ST6GAL1: variants seen among roughly 807,000 people sequenced by gnomAD.
The protein encoded by ST6GAL1 is beta-galactoside alpha-2,6-sialyltransferase 1.
Under a neutral mutation model 38.0 loss-of-function variants are expected in ST6GAL1, and 20 were observed. The ratio of observed to expected loss-of-function variants is 0.53; its 90% CI spans 0.37 to 0.77. The LOEUF is 0.77. ST6GAL1 is among the 30% of genes least tolerant of loss of function. The pLI, the probability that ST6GAL1 is intolerant of heterozygous loss-of-function variation, is 0.00. For synonymous variants in ST6GAL1, 196 were observed against 188.2 expected, an observed-to-expected ratio of 1.04 and a Z score of -0.34; for missense variants, 432 against 496.4, an observed-to-expected ratio of 0.87 and a Z score of 1.23.
chr3:187,042,591 C>T (rs900351314), intron 3 of ST6GAL1, 63 bp from the exon 4 acceptor site: 36 of 1,439,988 alleles, frequency 2.5e-5, no homozygotes, highest in Admixed American at 4.5e-5. Context: ...TCCATCGCTC[C>T]GCCTCATGCC....
chr3:187,076,978 T>G lies in ST6GAL1; in HGVS notation c.*1175T>G, dbSNP rs1175761868. ...AAATCTTCTCCTAACCACCATCTGT[T>G]TTTTTTTTTTAAAGCATTTTTTGCT... On this transcript the variant is annotated 3_prime_UTR_variant, in exon 8 of 8. Transcript: ENST00000169298. 9 of 397,018 alleles carry G rather than the reference T, an allele frequency of 2.3e-5. No homozygotes were observed. The highest frequency in any genetic ancestry group is 2.7e-5 in the Non-Finnish European group (6 of 225,326). 24.6% of individuals were successfully genotyped at this position (397,018 alleles called of 1,614,324 possible).
Position 187,025,025 on chromosome 3 carries a change from G to C in ST6GAL1, c.-182-13717G>C, listed in dbSNP as rs1344053081. 4.8e-5 allele frequency among the ~76,000 whole-genome samples: 7 copies of C among 145,308 alleles called. No homozygotes were observed. The South Asian group carries it at 8.8e-4, about 18-fold the overall frequency. ...TGTGTGTGTGTGTGTGTGTGTCTGT[G>C]TGTGTGTGTCTCACAGTGTAGAGAA... is the stretch of plus-strand genomic sequence containing the variant. On this transcript the variant is annotated intron_variant, in intron 2 of 7. Coordinates refer to ENST00000169298, the MANE Select transcript of ST6GAL1 (RefSeq NM_173216.2).
chr3:187,065,810 A>T (rs1719086144), intron 5 of ST6GAL1, among the ~76,000 whole-genome samples: 2 of 152,212 alleles, frequency 1.3e-5, no homozygotes, highest in African/African-American at 4.8e-5. Context: ...TGTTAAATAT[A>T]TTATATATAC....
At chr3:187,005,871 G>C (rs73189714) in intron 2 of ST6GAL1, among the ~76,000 whole-genome samples, 5,795 of 152,198 alleles carry the variant, frequency 0.038, 165 homozygotes, top group Non-Finnish European at 0.06. Flanking sequence ...GGGAAGGACC[G>C]ACCAACAGGG....
At position 187,077,276 on chromosome 3, in the gene ST6GAL1, C is replaced by T. The variant is rs144840189; in HGVS notation, c.*1473C>T. On this transcript the variant is annotated 3_prime_UTR_variant, in exon 8 of 8. Transcript: ENST00000169298. ...CTCTCCAGATGGTTTTACTAAGTCC[C>T]CTCTCCCTGATAGGGAATCCTGCTG... 150 of 279,040 alleles carry T rather than the reference C, an allele frequency of 5.4e-4. 3 individuals carry two copies. In the East Asian group the frequency reaches 9.1e-3, roughly 17 times the overall value. 17.3% of individuals were successfully genotyped at this position (279,040 alleles called of 1,614,324 possible).
At chr3:186,968,640 AT>A (rs142342973) in intron 2 of ST6GAL1, among the ~76,000 whole-genome samples, 1 of 149,156 alleles carries the variant, frequency 6.7e-6, no homozygotes, top group South Asian at 2.1e-4. Flanking sequence ...TACAGCATGC[AT>A]TTTTTTTTCA....
intron 2 of ST6GAL1, among the ~76,000 whole-genome samples, chr3:187,022,265 CAT>C (rs150588112): frequency 0.022 from 3,414 of 152,088 alleles, 64 homozygotes; most frequent in Middle Eastern, 0.038. Context: ...GACCCCCACA[CAT>C]ATGGTCACAT....
chr3:187,070,346 C>T (rs1407692734), intron 5 of ST6GAL1, among the ~76,000 whole-genome samples: 1 of 151,366 alleles, frequency 6.6e-6, no homozygotes. Context: ...GCACGTGGTT[C>T]CCCGTGTCTC....
At chr3:187,062,034 C>G (rs1718933369) in intron 5 of ST6GAL1, among the ~76,000 whole-genome samples, 1 of 152,092 alleles carries the variant, frequency 6.6e-6, no homozygotes, top group Admixed American at 6.6e-5. Context: ...TAAAAAAAAT[C>G]AAATTACCCA....
rs1446867943 is a variant in ST6GAL1 at position 186,963,922 on chromosome 3, CT to C, written c.-186del. 6.6e-6 allele frequency: 1 copy of C among 152,398 alleles called. No individual in the cohort carries two copies. Among genetic ancestry groups the C allele is most frequent in the African/African-American group, 2.4e-5 (1 of 41,460 alleles). The allele number at this position is 152,398 out of a possible 1,614,324, so 9.4% of individuals were successfully genotyped here. A position where few individuals can be genotyped will look rare whatever the true frequency, so the allele number is the denominator to read the frequency against. ...CTGGTGCCAGGTGTCCATCCCCGTG[CT>C]GAGGTAAGACCCCCTGAAGCCCAGC... is the stretch of plus-strand genomic sequence containing the variant. On this transcript the variant is annotated 5_prime_UTR_variant, in exon 2 of 8. Transcript: ENST00000169298.
At chr3:187,032,808 T>C (rs943971386) in intron 2 of ST6GAL1, among the ~76,000 whole-genome samples, 12 of 152,106 alleles carry the variant, frequency 7.9e-5, no homozygotes, top group African/African-American at 2.4e-4. Context: ...CAGGGCAGAG[T>C]GGCACCTCTC....
chr3:186,994,923 G>A (rs10937277), intron 2 of ST6GAL1, among the ~76,000 whole-genome samples: 43,391 of 151,026 alleles, frequency 0.29, 6,377 homozygotes, highest in South Asian at 0.33. Flanking sequence ...AGCCTGAGCA[G>A]CAGAGTGAGA....
At chr3:186,934,617 G>C (rs947239625) in intron 1 of ST6GAL1, among the ~76,000 whole-genome samples, 5 of 152,188 alleles carry the variant, frequency 3.3e-5, no homozygotes, top group African/African-American at 1.2e-4. Context: ...CTGCCTCTGC[G>C]TTGTGTAAAG....
chr3:187,011,994 T>A (rs1347110922), intron 2 of ST6GAL1, among the ~76,000 whole-genome samples: 1 of 152,190 alleles, frequency 6.6e-6, no homozygotes, highest in African/African-American at 2.4e-5. Context: ...GAACGCTCTC[T>A]TTCCAGGGCA....
At chr3:187,071,569 GAAACCCCGTCTCTACTAAAAATACAAAA>G (rs1719373495) in intron 5 of ST6GAL1, among the ~76,000 whole-genome samples, 1 of 151,758 alleles carries the variant, frequency 6.6e-6, no homozygotes, top group Non-Finnish European at 1.5e-5. Context: ...CTAACAAGGT[GAAACCCCGTCTCTACTAAAAATACAAAA>G]AAACCCCCAA....
chr3:187,024,491 TATAG>T (rs60755256), intron 2 of ST6GAL1, among the ~76,000 whole-genome samples: 2,817 of 105,160 alleles, frequency 0.027, 45 homozygotes, highest in African/African-American at 0.087. Flanking sequence ...TATATATATA[TATAG>T]AGAGAGAGAG....
At chr3:186,987,560 A>G (rs1409995809) in intron 2 of ST6GAL1, among the ~76,000 whole-genome samples, 2 of 152,176 alleles carry the variant, frequency 1.3e-5, no homozygotes, top group African/African-American at 2.4e-5. Context: ...AGAAATATTT[A>G]TTTATCTAAG....
chr3:187,027,657 A>C (rs1238135135), intron 2 of ST6GAL1, among the ~76,000 whole-genome samples: 1 of 152,090 alleles, frequency 6.6e-6, no homozygotes, highest in Admixed American at 6.6e-5. Context: ...TTTCTGTAGA[A>C]GCTCACTGAC....
Position 187,075,524 on chromosome 3 carries a change from G to A in ST6GAL1, c.980-38G>A. 1 of 1,606,312 alleles carries A rather than the reference G, an allele frequency of 6.2e-7. No homozygotes were observed. The highest frequency in any genetic ancestry group is 8.5e-7 in the Non-Finnish European group (1 of 1,174,252). On this transcript the variant is annotated intron_variant, in intron 7 of 7. Transcript: ENST00000169298. The surrounding 1 kb of genome is among the most constrained non-coding windows in gnomAD (Gnocchi z 4.1). ...GGCAGAGCTCTGGGGTGCTGGGGTG[G>A]GTTGTCAGGCATGACTCACCTCTGC...
Sources: gnomAD v4.1 joint callset for allele counts (sites outside exome capture counted in the v4.1 genomes callset) on GRCh38, gnomAD v4.1.1 for gene constraint, Gnocchi (gnomAD v3.1) non-coding constraint, MANE v1.5 for transcripts, NCBI Gene and HGNC (gene_info 2026-07-23, HGNC 2026-07-21) for gene names.